Variants in NALF1 observed in about 807,000 individuals in gnomAD.
NALF1 encodes the protein NALCN channel auxiliary factor 1, also known as family with sequence similarity 155 member A.
NALF1 carries 3 observed loss-of-function variants against 48.4 expected under a neutral mutation model. That is an observed-to-expected ratio of 0.06 (90% CI 0.03 to 0.16). The LOEUF (loss-of-function observed/expected upper bound fraction) is 0.16. Ranked by LOEUF, NALF1 falls within the 10% of genes least tolerant of loss-of-function variation. The pLI is 1.00. For missense variants in NALF1, 526 were observed against 571.5 expected, an observed-to-expected ratio of 0.92 and a Z score of 0.81; for synonymous variants, 262 against 245.7, an observed-to-expected ratio of 1.07 and a Z score of -0.62.
intron 1 of NALF1, among the ~76,000 whole-genome samples, chr13:107,489,484 G>T (rs894437922): frequency 3.3e-5 from 5 of 151,870 alleles, no homozygotes; most frequent in Non-Finnish European, 7.4e-5. Context: ...CACACTATCT[G>T]GTCTCTGACA....
chr13:107,838,599 T>G (rs1879967068), intron 1 of NALF1, among the ~76,000 whole-genome samples: 1 of 152,136 alleles, frequency 6.6e-6, no homozygotes, highest in Non-Finnish European at 1.5e-5. Flanking sequence ...TATCAGAGAT[T>G]AAAGAGATCT....
intron 1 of NALF1, among the ~76,000 whole-genome samples, chr13:107,646,953 T>G (rs1880329594): frequency 1.3e-5 from 2 of 152,062 alleles, no homozygotes; most frequent in Non-Finnish European, 2.9e-5. Context: ...AAAATTAAAA[T>G]GCACTCACCT....
At chr13:107,185,120 A>G (rs1469924852) in intron 2 of NALF1, among the ~76,000 whole-genome samples, 1 of 152,182 alleles carries the variant, frequency 6.6e-6, no homozygotes, top group Non-Finnish European at 1.5e-5. Flanking sequence ...AAGGAGTGCC[A>G]AAGATTGCTG....
intron 1 of NALF1, among the ~76,000 whole-genome samples, chr13:107,773,977 AT>A (rs1477323001): frequency 4.0e-5 from 6 of 151,708 alleles, no homozygotes; most frequent in South Asian, 4.2e-4. Context: ...CTGCAGATAG[AT>A]TTCCCCCTTA....
intron 1 of NALF1, among the ~76,000 whole-genome samples, chr13:107,584,829 C>T (rs1280802616): frequency 6.6e-6 from 1 of 152,176 alleles, no homozygotes; most frequent in African/African-American, 2.4e-5. Context: ...CCTCCCAACA[C>T]AGTCCTTCAG....
chr13:107,204,311 G>C (rs1257339553), intron 2 of NALF1, among the ~76,000 whole-genome samples: 1 of 152,218 alleles, frequency 6.6e-6, no homozygotes, highest in East Asian at 1.9e-4. Context: ...GCACCACCAG[G>C]CTGGACTACA....
intron 2 of NALF1, among the ~76,000 whole-genome samples, chr13:107,180,024 G>C (rs1879029606): frequency 6.7e-6 from 1 of 148,754 alleles, no homozygotes; most frequent in South Asian, 2.2e-4. Context: ...CTCATATTTT[G>C]AGGATACCCC....
intron 1 of NALF1, among the ~76,000 whole-genome samples, chr13:107,293,366 A>C (rs1314844209): frequency 6.6e-6 from 1 of 152,160 alleles, no homozygotes; most frequent in Non-Finnish European, 1.5e-5. Context: ...GACTGTATGA[A>C]TCCTAAAGTA....
chr13:107,780,741 G>T (rs1024109807), intron 1 of NALF1, among the ~76,000 whole-genome samples: 1 of 152,054 alleles, frequency 6.6e-6, no homozygotes. Context: ...AGACCAGCCT[G>T]ACTAACATGG....
chr13:107,540,323 A>T (rs1270486382), intron 1 of NALF1, among the ~76,000 whole-genome samples: 1 of 152,110 alleles, frequency 6.6e-6, no homozygotes, highest in Non-Finnish European at 1.5e-5. Context: ...AACATATAAA[A>T]AATATTTTTA....
intron 1 of NALF1, among the ~76,000 whole-genome samples, chr13:107,211,959 T>C (rs1219783493): frequency 6.6e-6 from 1 of 152,202 alleles, no homozygotes; most frequent in Non-Finnish European, 1.5e-5. Flanking sequence ...TATTAGGTAA[T>C]GGAAATGGAA....
intron 1 of NALF1, among the ~76,000 whole-genome samples, chr13:107,416,907 G>A (rs542319020): frequency 6.6e-6 from 1 of 152,308 alleles, no homozygotes; most frequent in East Asian, 1.9e-4. Context: ...CATGAAGGAA[G>A]ACACCAGTCC....
intron 1 of NALF1, among the ~76,000 whole-genome samples, chr13:107,660,270 T>C (rs1179076320): frequency 6.6e-6 from 1 of 151,542 alleles, no homozygotes; most frequent in Non-Finnish European, 1.5e-5. Flanking sequence ...AAACCCCGTC[T>C]CTACCAAAAA....
At chr13:107,258,056 G>A (rs1880855772) in intron 1 of NALF1, among the ~76,000 whole-genome samples, 2 of 152,282 alleles carry the variant, frequency 1.3e-5, no homozygotes, top group Admixed American at 1.3e-4. Flanking sequence ...TATTGAATGG[G>A]AGTAGCTTTG....
intron 1 of NALF1, among the ~76,000 whole-genome samples, chr13:107,638,394 G>GATTCATTC (rs573099939): frequency 1.3e-5 from 2 of 151,664 alleles, no homozygotes; most frequent in African/African-American, 2.4e-5. Flanking sequence ...AGGAAAGTAT[G>GATTCATTC]ATTCATTCAT....
chr13:107,430,332 C>A (rs1301989418), intron 1 of NALF1, among the ~76,000 whole-genome samples: 4 of 151,650 alleles, frequency 2.6e-5, no homozygotes, highest in Non-Finnish European at 5.9e-5. Flanking sequence ...CGTACATGTG[C>A]ACAACATGCA....
intron 1 of NALF1, among the ~76,000 whole-genome samples, chr13:107,294,853 C>T (rs534214963): frequency 2.0e-5 from 3 of 152,114 alleles, no homozygotes; most frequent in East Asian, 1.9e-4. Context: ...ACGTGGTTAT[C>T]GAGAGGATGA....
chr13:107,565,402 T>TAAAAAAAAAAAAAA (rs1296463515), intron 1 of NALF1, among the ~76,000 whole-genome samples: 2 of 105,236 alleles, frequency 1.9e-5, no homozygotes, highest in Non-Finnish European at 2.2e-5. Flanking sequence ...AAAAAAAAAG[T>TAAAAAAAAAAAAAA]AAAAAAGATT....
At chr13:107,587,723 G>A (rs1342674926) in intron 1 of NALF1, among the ~76,000 whole-genome samples, 1 of 152,176 alleles carries the variant, frequency 6.6e-6, no homozygotes, top group African/African-American at 2.4e-5. Context: ...GACGAACAAT[G>A]AGAGGCATGT....
Sources: allele counts gnomAD v4.1 joint callset (sites outside exome capture counted in the v4.1 genomes callset), GRCh38; gene constraint gnomAD v4.1.1; transcripts MANE v1.5; gene names NCBI Gene and HGNC (gene_info 2026-07-23, HGNC 2026-07-21).